Variants in ERICH3 observed in about 807,000 individuals in gnomAD.
The protein encoded by ERICH3 is glutamate rich 3.
A neutral mutation model predicts 131.1 loss-of-function variants in ERICH3; 126 were observed. That is an observed-to-expected ratio of 0.96 (90% confidence interval 0.83 to 1.11). The LOEUF (loss-of-function observed/expected upper bound fraction) is 1.11, where lower values mean the gene tolerates loss of function less well. Ranked by LOEUF, ERICH3 falls within the 50% of genes most tolerant of loss-of-function variation. ERICH3 has a pLI of 0.00. For missense variants in ERICH3, 2,050 were observed against 1,810.7 expected (o/e 1.13, Z -2.40); for synonymous variants, 695 against 644.6 (o/e 1.08, Z -1.18).
At chr1:74,602,042 G>T (rs186466227) in intron 10 of ERICH3, among the ~76,000 whole-genome samples, 1 of 151,786 alleles carries the variant, frequency 6.6e-6, no homozygotes, top group Non-Finnish European at 1.5e-5. Context: ...AATCACACAC[G>T]ATATGTACTC....
chr1:74,606,675 A>G lies in ERICH3; in HGVS notation c.1415T>C (p.Val472Ala), dbSNP rs1390536442. The G allele has an allele frequency of 6.2e-7, 1 of 1,613,182 alleles. No homozygotes were observed. The change falls in exon 10 of 15, where the codon GTG becomes GCG. Residue 472 changes from valine to alanine, a missense_variant. Physicochemically the swap from Val to Ala is moderately conservative, Grantham distance 64 (BLOSUM62 0). Coordinates refer to ENST00000326665, the MANE Select transcript of ERICH3 (RefSeq NM_001002912.5). ...TTTTCCTTTACTTGTCATTTCCTCC[A>G]CAGCAGTTACCACTTCTTTGAGCCC... is the stretch of plus-strand genomic sequence containing the variant. The part of the protein sequence containing the change: ...KTGLKEVVTA[V>A]EEMTSKGKPG...
intron 5 of ERICH3, among the ~76,000 whole-genome samples, chr1:74,640,801 A>T (rs1204250889): frequency 3.9e-5 from 6 of 152,256 alleles, no homozygotes; most frequent in African/African-American, 9.6e-5. Context: ...AGAAGCTCAA[A>T]TGTTAGTATT....
chr1:74,655,623 A>T (rs1320374400), intron 1 of ERICH3, among the ~76,000 whole-genome samples: 2 of 152,202 alleles, frequency 1.3e-5, no homozygotes, highest in African/African-American at 4.8e-5. Context: ...TTTAGGTCAG[A>T]TGATTTACAA....
chr1:74,597,761 T>C (rs1647923117), intron 11 of ERICH3, among the ~76,000 whole-genome samples: 1 of 151,944 alleles, frequency 6.6e-6, no homozygotes, highest in South Asian at 2.1e-4. Context: ...AAAAATCAAC[T>C]CAAGATGTAT....
At chr1:74,664,259 C>T (rs1646668671) in intron 1 of ERICH3, among the ~76,000 whole-genome samples, 1 of 150,970 alleles carries the variant, frequency 6.6e-6, no homozygotes, top group African/African-American at 2.4e-5. Flanking sequence ...TGGTATTTTT[C>T]TGCTCAAAGT....
chr1:74,570,951 G>T, intron 14 of ERICH3, 148 bp downstream of exon 14: 3 of 1,109,368 alleles, frequency 2.7e-6, no homozygotes, highest in Non-Finnish European at 2.5e-6. Flanking sequence ...CCCCTTTCCT[G>T]ACAGGCTTAG....
intron 9 of ERICH3, among the ~76,000 whole-genome samples, chr1:74,607,854 G>A (rs967532832): frequency 6.6e-6 from 1 of 151,934 alleles, no homozygotes; most frequent in Non-Finnish European, 1.5e-5. Context: ...TAAAAATGAT[G>A]ATTATGATAA....
At chr1:74,628,370 G>A (rs1179291675) in intron 7 of ERICH3, among the ~76,000 whole-genome samples, 1 of 152,060 alleles carries the variant, frequency 6.6e-6, no homozygotes, top group East Asian at 1.9e-4. Flanking sequence ...GCTCACGGGT[G>A]GACGATTCAT....
intron 1 of ERICH3, among the ~76,000 whole-genome samples, chr1:74,671,764 A>T (rs1646745727): frequency 1.3e-5 from 2 of 152,212 alleles, no homozygotes; most frequent in South Asian, 4.1e-4. Context: ...TTCATTTCCG[A>T]ATACATGCAT....
intron 12 of ERICH3, among the ~76,000 whole-genome samples, chr1:74,587,376 C>T (rs1405567646): frequency 1.3e-5 from 2 of 149,600 alleles, no homozygotes; most frequent in African/African-American, 4.9e-5. Context: ...CAGTCCCAAA[C>T]CTTGCCATCT....
chr1:74,671,470 C>T (rs1646742651), intron 1 of ERICH3, among the ~76,000 whole-genome samples: 4 of 152,186 alleles, frequency 2.6e-5, no homozygotes, highest in African/African-American at 9.7e-5. Flanking sequence ...CACAGTCCTA[C>T]CAATATGTGA....
intron 1 of ERICH3, among the ~76,000 whole-genome samples, chr1:74,669,455 C>T (rs898425275): frequency 1.3e-5 from 2 of 152,120 alleles, no homozygotes; most frequent in African/African-American, 4.8e-5. Flanking sequence ...ATCATTTTAT[C>T]CTCATGCATG....
At chr1:74,636,487 T>A in intron 5 of ERICH3, 49 bp from the exon 6 acceptor site, 1 of 1,523,676 alleles carries the variant, frequency 6.6e-7, no homozygotes, top group South Asian at 1.3e-5. Context: ...TCTTGACATG[T>A]TTCCAGAACC....
At position 74,569,883 on chromosome 1, in the gene ERICH3, T is replaced by C. The variant is rs1646915713; in HGVS notation, c.*575A>G. ...GAATATTTCTAAGTATAAGTGAATA[T>C]ACATGCCAAGAAATCTTTTGCTGGA... On this transcript the variant is annotated 3_prime_UTR_variant, in exon 15 of 15. Transcript: ENST00000326665. 6.6e-6 allele frequency: 1 copy of C among 152,214 alleles called. No individual in the cohort carries two copies. Among genetic ancestry groups the C allele is most frequent in the African/African-American group, 2.4e-5 (1 of 41,458 alleles). 9.4% of individuals were successfully genotyped at this position (152,214 alleles called of 1,614,324 possible). A position where few individuals can be genotyped will look rare whatever the true frequency, so the allele number is the denominator to read the frequency against.
chr1:74,640,710 T>C (rs1646430482), intron 5 of ERICH3, among the ~76,000 whole-genome samples: 1 of 152,134 alleles, frequency 6.6e-6, no homozygotes, highest in African/African-American at 2.4e-5. Context: ...GAATAAAATA[T>C]CAGTGTTTAG....
At chr1:74,613,174 T>C (rs535374693) in intron 8 of ERICH3, among the ~76,000 whole-genome samples, 1 of 152,362 alleles carries the variant, frequency 6.6e-6, no homozygotes, top group East Asian at 1.9e-4. Context: ...TTTTTAGTGA[T>C]AAAATTGCAT....
intron 10 of ERICH3, among the ~76,000 whole-genome samples, chr1:74,603,465 G>C (rs987319360): frequency 1.3e-5 from 2 of 151,844 alleles, no homozygotes; most frequent in African/African-American, 4.8e-5. Flanking sequence ...CTAGTTTGGT[G>C]CTCAGTGCTT....
In ERICH3 at chr1:74,656,669, T is replaced by C. The variant is rs562335147; in HGVS notation, c.24-7354A>G. Among the ~76,000 whole-genome samples the C allele has an allele frequency of 2.0e-3, 299 of 152,206 alleles. 4 individuals are homozygous for C. Among genetic ancestry groups the C allele is most frequent in the Non-Finnish European group, 9.0e-4 (61 of 68,044 alleles). ...ATATTTGCTTAAAGCTTCATCATTT[T>C]TGGAATATAGAAATTCACATGTGAA... On this transcript the variant is annotated intron_variant, in intron 1 of 14. Transcript: ENST00000326665.
rs1305785844 is a variant in ERICH3, at chr1:74,649,267, A to T, written c.72T>A (p.Tyr24Ter). The change falls in exon 2 of 15, where the codon TAT (tyrosine) becomes TAA (stop). Residue 24 changes from tyrosine to a stop codon, truncating the protein, a stop_gained. Transcript: ENST00000326665. LOFTEE classifies it high-confidence loss of function. Reference sequence around the variant, plus strand: ...GACGCCTTATCCTTGTATTGTTAAAATACCCAGCCAGGTGTTTATCCATAA... The same window carrying T: ...GACGCCTTATCCTTGTATTGTTAAATTACCCAGCCAGGTGTTTATCCATAA... ...NSLMDKHLAG[Y>*]FNNTRIRRHL... The T allele has an allele frequency of 6.2e-7, 1 of 1,612,646 alleles. No individual in the cohort carries two copies. Among genetic ancestry groups the T allele is most frequent in the African/African-American group, 1.3e-5 (1 of 74,826 alleles).
Sources: allele counts gnomAD v4.1 joint callset (sites outside exome capture counted in the v4.1 genomes callset), GRCh38; gene constraint gnomAD v4.1.1; transcripts MANE v1.5; gene names NCBI Gene and HGNC (gene_info 2026-07-23, HGNC 2026-07-21).